The following DRP2 variants were observed in gnomAD, a reference collection of about 807,000 sequenced individuals.
DRP2 encodes dystrophin related protein 2, also known as dystrophin-related protein 2.
DRP2 carries 29 observed loss-of-function variants against 78.2 expected under a neutral mutation model. That is an observed-to-expected ratio of 0.37 (90% confidence interval 0.28 to 0.51). DRP2 has a LOEUF of 0.51. Among genes scored for constraint, DRP2 ranks in the 20% least tolerant of loss-of-function variants. The pLI is 0.94. For synonymous variants in DRP2, 290 were observed against 281.9 expected, an observed-to-expected ratio of 1.03 and a Z score of -0.29; for missense variants, 686 against 770.6, an observed-to-expected ratio of 0.89 and a Z score of 1.30.
At chrX:101,253,540 C>CTTTTTTTTTTTTT (rs138161868) in intron 17 of DRP2, among the ~76,000 whole-genome samples, 1 of 53,562 alleles carries the variant, frequency 1.9e-5, no homozygotes, top group African/African-American at 1.0e-4. Context: ...TTACTTTCAC[C>CTTTTTTTTTTTTT]TTTTTTTTTT....
Position 101,254,640 on chromosome X carries a change from AG to A in DRP2, c.2114+80del, listed in dbSNP as rs1923271041. 9.4e-6 allele frequency: 11 copies of A among 1,175,641 alleles called. No individual in the cohort carries two copies. In the South Asian group the frequency reaches 2.1e-4, roughly 22 times the overall value. ...TATGCTGTGAAGGGGCTGAGTCCCG[AG>A]TGGGCTAGGAGAATGTTCCAAGGTA... On this transcript the variant is annotated intron_variant, in intron 18 of 23. Coordinates refer to ENST00000395209, the MANE Select transcript of DRP2 (RefSeq NM_001939.3).
At chrX:101,221,087 G>A (rs1192209950) in intron 1 of DRP2, among the ~76,000 whole-genome samples, 2 of 112,035 alleles carry the variant, frequency 1.8e-5, no homozygotes, top group East Asian at 5.6e-4. Flanking sequence ...AGGTGGCAAG[G>A]CTGGGCTGGG....
chrX:101,220,991 T>C (rs112898691), intron 1 of DRP2, among the ~76,000 whole-genome samples: 10,410 of 110,593 alleles, frequency 0.094, 449 homozygotes, highest in Middle Eastern at 0.13. Context: ...GCCTAGTAAG[T>C]GGGCCTGAGA....
rs1308897398 is a variant in DRP2 at position 101,263,145 on chromosome X, G to T, written c.*2524G>T. ...CCTTAATGCCTAAGGTGAGTGTATT[G>T]TTCAAGGGTCCAGGGACAGTCACTG... On this transcript the variant is annotated 3_prime_UTR_variant, in exon 24 of 24. Transcript: ENST00000395209. The T allele has an allele frequency of 2.7e-5, 3 of 111,943 alleles. No homozygotes were observed. Among genetic ancestry groups the T allele is most frequent in the South Asian group, 3.7e-4 (1 of 2,679 alleles). The allele number at this position is 111,943 out of a possible 1,213,427, so 9.2% of individuals were successfully genotyped here.
At chrX:101,250,385 G>T in intron 14 of DRP2, 38 bp from the exon 15 acceptor site, 2 of 1,210,080 alleles carry the variant, frequency 1.7e-6, no homozygotes, top group Non-Finnish European at 2.2e-6. Context: ...GGCCATTCCT[G>T]TGTCGGGGTT....
chrX:101,227,089 C>T (rs1922146467), intron 2 of DRP2, among the ~76,000 whole-genome samples: 1 of 110,764 alleles, frequency 9.0e-6, no homozygotes, highest in Non-Finnish European at 1.9e-5. Context: ...GCCATGAATT[C>T]TCCTCCCGTG....
intron 9 of DRP2, among the ~76,000 whole-genome samples, chrX:101,244,662 C>T (rs1267017198): frequency 8.9e-6 from 1 of 112,240 alleles, no homozygotes; most frequent in East Asian, 2.8e-4. Flanking sequence ...ACTTCATATC[C>T]GCAAGAGTAA....
At chrX:101,246,437 T>C (rs1922936785) in intron 11 of DRP2, among the ~76,000 whole-genome samples, 1 of 112,534 alleles carries the variant, frequency 8.9e-6, no homozygotes, top group South Asian at 3.7e-4. Context: ...GAATGTTCCA[T>C]TGTATATAGC....
chrX:101,245,138 CT>C, intron 10 of DRP2, 61 bp downstream of exon 10: 1 of 1,081,060 alleles, frequency 9.3e-7, no homozygotes, highest in Middle Eastern at 2.9e-4. Context: ...CCTCTCCTGC[CT>C]TTTTGCTACC....
chrX:101,224,211 T>G (rs1239306683), intron 1 of DRP2, among the ~76,000 whole-genome samples: 1 of 75,846 alleles, frequency 1.3e-5, no homozygotes, highest in South Asian at 8.3e-4. Context: ...TTTTTTTTTT[T>G]TTTTTTTTTT....
chrX:101,233,375 G>T (rs970566388), intron 3 of DRP2, among the ~76,000 whole-genome samples: 2 of 111,077 alleles, frequency 1.8e-5, no homozygotes, highest in African/African-American at 6.6e-5. Flanking sequence ...GAGCTAGAAC[G>T]ACTCCCTGCT....
At chrX:101,238,223 T>C (rs1922580329) in intron 5 of DRP2, among the ~76,000 whole-genome samples, 1 of 111,624 alleles carries the variant, frequency 9.0e-6, no homozygotes, top group Admixed American at 9.5e-5. Context: ...TTTCTGAAAT[T>C]TCTAATATTT....
chrX:101,223,696 G>A (rs774495269), intron 1 of DRP2, among the ~76,000 whole-genome samples: 44 of 112,030 alleles, frequency 3.9e-4, no homozygotes, highest in Non-Finnish European at 7.7e-4. Context: ...TTCTCCCATG[G>A]GGATGCATCT....
At chrX:101,228,276 G>A (rs1458512378) in intron 2 of DRP2, among the ~76,000 whole-genome samples, 1 of 112,499 alleles carries the variant, frequency 8.9e-6, no homozygotes, top group Non-Finnish European at 1.9e-5. Context: ...TTATAAAAAA[G>A]AAGAACTATA....
chrX:101,228,012 C>T (rs1183051397), intron 2 of DRP2, among the ~76,000 whole-genome samples: 1 of 112,153 alleles, frequency 8.9e-6, no homozygotes, highest in Non-Finnish European at 1.9e-5. Flanking sequence ...ATTAAGGAAA[C>T]GCAAAGTAAT....
Position 101,260,789 on chromosome X carries a change from C to T in DRP2, c.*168C>T, listed in dbSNP as rs761574947. On this transcript the variant is annotated 3_prime_UTR_variant, in exon 24 of 24. Coordinates refer to ENST00000395209, the MANE Select transcript of DRP2 (RefSeq NM_001939.3). ...GATCTGGTGGTATGTGAGGTGCATG[C>T]GGGCAGTGATGGGAGAAGGGGAGGC... 42 of 572,426 alleles carry T rather than the reference C, an allele frequency of 7.3e-5. No individual in the cohort carries two copies. Among genetic ancestry groups the T allele is most frequent in the Middle Eastern group, 5.6e-4 (1 of 1,791 alleles). 47.2% of individuals were successfully genotyped at this position (572,426 alleles called of 1,213,427 possible).
At position 101,237,730 on chromosome X, in the gene DRP2, A is replaced by T; in HGVS notation, c.393A>T (p.Leu131=). 9 of 1,169,921 alleles carry T rather than the reference A, an allele frequency of 7.7e-6. No homozygotes were observed. Among genetic ancestry groups the T allele is most frequent in the Non-Finnish European group, 1.0e-5 (9 of 869,606 alleles). ...AGGAGTTGTCAGCTCAGCTGCCCCT[A>T]CAGGGGGATGTGGCCCTGGTGCAAC... The part of the protein sequence containing the change: ...KDEELSAQLP[L]QGDVALVQQE... Residue 131 remains leucine, a synonymous_variant, in exon 5 of 24, where the codon CTA becomes CTT. Transcript: ENST00000395209.
chrX:101,236,124 T>C, intron 4 of DRP2, 101 bp downstream of exon 4: 1 of 925,309 alleles, frequency 1.1e-6, no homozygotes, highest in South Asian at 2.2e-5. Flanking sequence ...CCCCCTTTCC[T>C]TAGCCCACCC....
At chrX:101,255,310 G>T in intron 20 of DRP2, 61 bp downstream of exon 20, 1 of 1,102,482 alleles carries the variant, frequency 9.1e-7, no homozygotes, top group Non-Finnish European at 1.2e-6. Flanking sequence ...TTGTGCCACT[G>T]TTTGGGAAGG....
Sources: gnomAD v4.1 joint callset for allele counts (sites outside exome capture counted in the v4.1 genomes callset) on GRCh38, gnomAD v4.1.1 for gene constraint, MANE v1.5 for transcripts, NCBI Gene and HGNC (gene_info 2026-07-23, HGNC 2026-07-21) for gene names.